CMIP: variants seen among roughly 807,000 people sequenced by gnomAD.
CMIP encodes C-Maf-inducing protein.
A neutral mutation model predicts 97.3 loss-of-function variants in CMIP; 13 were observed. The ratio of observed to expected loss-of-function variants is 0.13; its 90% CI spans 0.09 to 0.21. CMIP has a LOEUF of 0.21. Ranked by LOEUF, CMIP falls within the 10% of genes least tolerant of loss-of-function variation. CMIP has a pLI of 1.00. For synonymous variants in CMIP, 538 were observed against 436.3 expected, an observed-to-expected ratio of 1.23 and a Z score of -2.91; for missense variants, 847 against 1,024.9, an observed-to-expected ratio of 0.83 and a Z score of 2.37.
chr16:81,564,605 G>A (rs1030461309), intron 1 of CMIP, among the ~76,000 whole-genome samples: 9 of 152,356 alleles, frequency 5.9e-5, no homozygotes, highest in African/African-American at 2.2e-4. Context: ...CTGCGCCGCA[G>A]TGCCAGGGAG....
At chr16:81,622,530 TC>T (rs1259184393) in intron 3 of CMIP, among the ~76,000 whole-genome samples, 1 of 151,816 alleles carries the variant, frequency 6.6e-6, no homozygotes, top group East Asian at 1.9e-4. Context: ...TACCACCTCT[TC>T]CCTTCCCCAT....
chr16:81,527,442 T>C (rs13333262), intron 1 of CMIP, among the ~76,000 whole-genome samples: 8,088 of 152,244 alleles, frequency 0.053, 247 homozygotes, highest in Middle Eastern at 0.085. Flanking sequence ...TCCATTCTTT[T>C]CTTCTTCTTT....
chr16:81,517,514 CCCT>C (rs1378708456), intron 1 of CMIP, among the ~76,000 whole-genome samples: 2 of 152,136 alleles, frequency 1.3e-5, no homozygotes, highest in African/African-American at 4.8e-5. Flanking sequence ...CAAGGAAACA[CCCT>C]CCTCTGGCAA....
intron 1 of CMIP, among the ~76,000 whole-genome samples, chr16:81,483,599 T>TCCTCTTCCTCTTCCTCTTCCTCTC (rs60291163): frequency 5.5e-5 from 8 of 145,710 alleles, no homozygotes; most frequent in African/African-American, 1.8e-4. Context: ...CTCTTCCTCT[T>TCCTCTTCCTCTTCCTCTTCCTCTC]CCTCTCCCTC....
chr16:81,641,892 G>C (rs2092310803), intron 3 of CMIP, among the ~76,000 whole-genome samples: 1 of 152,220 alleles, frequency 6.6e-6, no homozygotes, highest in South Asian at 2.1e-4. Context: ...ATGATGGTCA[G>C]GTGCTCAGGA....
chr16:81,706,661 C>T (rs1908180995), intron 19 of CMIP, among the ~76,000 whole-genome samples: 1 of 152,160 alleles, frequency 6.6e-6, no homozygotes, highest in African/African-American at 2.4e-5. Flanking sequence ...ACGGGGGGAC[C>T]ATCCGGGGTT....
chr16:81,499,288 C>T (rs2089551717), intron 1 of CMIP, among the ~76,000 whole-genome samples: 1 of 152,218 alleles, frequency 6.6e-6, no homozygotes, highest in Admixed American at 6.5e-5. Flanking sequence ...ACATGCCTCA[C>T]ACCTATGCAT....
chr16:81,603,359 G>A (rs1002310501), intron 1 of CMIP: 1 of 454,202 alleles, frequency 2.2e-6, no homozygotes, highest in South Asian at 1.6e-5. Context: ...TGGGATTACA[G>A]GCGTGAGCCA....
At chr16:81,702,530 G>T in intron 16 of CMIP, 92 bp from the exon 17 acceptor site, 1 of 1,288,034 alleles carries the variant, frequency 7.8e-7, no homozygotes, top group East Asian at 2.5e-5. Context: ...AGAAAATAAC[G>T]ATGGCTCCAT....
chr16:81,603,541 TTG>T (rs1250099051), intron 1 of CMIP: 36 of 435,648 alleles, frequency 8.3e-5, no homozygotes, highest in Non-Finnish European at 1.6e-4. Flanking sequence ...TGAACCAATA[TTG>T]ATACATGATT....
intron 1 of CMIP, among the ~76,000 whole-genome samples, chr16:81,500,231 T>C (rs1236296145): frequency 7.9e-6 from 1 of 126,224 alleles, no homozygotes; most frequent in Admixed American, 8.3e-5. Flanking sequence ...TTTGATTCTT[T>C]ATCAAAATTT....
At chr16:81,552,648 T>G (rs1442404212) in intron 1 of CMIP, among the ~76,000 whole-genome samples, 1 of 152,212 alleles carries the variant, frequency 6.6e-6, no homozygotes. Flanking sequence ...ATCTCCCATC[T>G]CAAGGTCCTT....
At chr16:81,555,492 G>A (rs2150863653) in intron 1 of CMIP, among the ~76,000 whole-genome samples, 1 of 152,324 alleles carries the variant, frequency 6.6e-6, no homozygotes, top group South Asian at 2.1e-4. Context: ...GATGCACACA[G>A]ACTCAGTGTG....
chr16:81,702,663 G>A lies in CMIP; in HGVS notation c.1938G>A (p.Lys646=). ...GGPTRLTLPS[K]STDADLARLL... ...CCACCAGGCTAACACTGCCCTCCAA[G>A]TCCACAGTGAGTTGGTTTGGTTCTC... is the stretch of plus-strand genomic sequence containing the variant. Residue 646 remains lysine, a synonymous_variant, in exon 17 of 21, where the codon AAG becomes AAA. Transcript: ENST00000537098. 6.2e-7 allele frequency: 1 copy of A among 1,613,358 alleles called. No homozygotes were observed.
At chr16:81,501,169 G>T (rs2089603941) in intron 1 of CMIP, among the ~76,000 whole-genome samples, 1 of 152,250 alleles carries the variant, frequency 6.6e-6, no homozygotes, top group South Asian at 2.1e-4. Context: ...TTGTGTTGGT[G>T]AAATTCCACT....
At chr16:81,588,196 G>A (rs545714382) in intron 1 of CMIP, among the ~76,000 whole-genome samples, 12 of 152,318 alleles carry the variant, frequency 7.9e-5, no homozygotes, top group South Asian at 4.1e-4. Flanking sequence ...TTGTTTGGCC[G>A]TCTCGGAGCT....
intron 1 of CMIP, among the ~76,000 whole-genome samples, chr16:81,593,370 C>T (rs2091495607): frequency 6.6e-6 from 1 of 150,994 alleles, no homozygotes; most frequent in South Asian, 2.1e-4. Context: ...TGTGCCTAGC[C>T]TGGGGGGTTG....
intron 7 of CMIP, among the ~76,000 whole-genome samples, chr16:81,668,688 G>A (rs545132204): frequency 6.6e-6 from 1 of 152,164 alleles, no homozygotes; most frequent in African/African-American, 2.4e-5. Context: ...TGGTGTCCCT[G>A]TCCCCTCATC....
chr16:81,548,684 A>AG (rs1393870235), intron 1 of CMIP, among the ~76,000 whole-genome samples: 3 of 151,864 alleles, frequency 2.0e-5, no homozygotes, highest in Non-Finnish European at 4.4e-5. Context: ...CTACAAAAAA[A>AG]AAAAGAAAAA....
Sources: allele counts gnomAD v4.1 joint callset (sites outside exome capture counted in the v4.1 genomes callset), GRCh38; gene constraint gnomAD v4.1.1; transcripts MANE v1.5; gene names NCBI Gene and HGNC (gene_info 2026-07-23, HGNC 2026-07-21).